The following SYTL5 variants were observed in gnomAD, a reference collection of about 807,000 sequenced individuals.
SYTL5 encodes the protein synaptotagmin-like protein 5.
Under a neutral mutation model 55.9 loss-of-function variants are expected in SYTL5, and 34 were observed. The ratio of observed to expected loss-of-function variants is 0.61; its 90% CI spans 0.46 to 0.81. The LOEUF (loss-of-function observed/expected upper bound fraction) is 0.81, where lower values mean the gene tolerates loss of function less well. Among genes scored for constraint, SYTL5 ranks in the 30% least tolerant of loss-of-function variants. SYTL5 has a pLI of 0.00. For missense variants in SYTL5, 637 were observed against 546.7 expected (o/e 1.17, Z -1.65); for synonymous variants, 221 against 188.7 (o/e 1.17, Z -1.40).
the SYTL5 span, among the ~76,000 whole-genome samples, chrX:37,893,814 A>AAC: frequency 1.1e-4 from 11 of 99,840 alleles, no homozygotes; most frequent in Non-Finnish European, 1.6e-4. Flanking sequence ...TCTATATATT[A>AAC]TATAGAGATT....
At chrX:38,094,159 T>A (rs1202913617) in intron 7 of SYTL5, 136 bp from the exon 8 acceptor site, 1 of 501,482 alleles carries the variant, frequency 2.0e-6, no homozygotes, top group African/African-American at 2.4e-5. Context: ...CTGGTGAGGG[T>A]CCTTCAAATG....
intron 1 of SYTL5, among the ~76,000 whole-genome samples, chrX:38,029,330 ACTT>A (rs1934880430): frequency 8.9e-6 from 1 of 112,416 alleles, no homozygotes; most frequent in African/African-American, 3.2e-5. Flanking sequence ...CATTCCTATG[ACTT>A]CTTATAATAT....
At chrX:37,896,386 A>T in the SYTL5 span, among the ~76,000 whole-genome samples, 1 of 111,757 alleles carries the variant, frequency 8.9e-6, no homozygotes, top group Non-Finnish European at 1.9e-5. Flanking sequence ...TCTGTTTATC[A>T]TGTTTCCTTG....
chrX:37,947,767 G>A, the SYTL5 span, among the ~76,000 whole-genome samples: 2 of 94,156 alleles, frequency 2.1e-5, no homozygotes, highest in African/African-American at 7.8e-5. Context: ...CACTTTGTAA[G>A]TTTGGCTAAG....
chrX:37,901,552 A>C, the SYTL5 span, among the ~76,000 whole-genome samples: 1 of 111,780 alleles, frequency 8.9e-6, no homozygotes, highest in Non-Finnish European at 1.9e-5. Context: ...ACACTCCCAA[A>C]CTGAAGTTCT....
At chrX:37,997,163 C>T in the SYTL5 span, among the ~76,000 whole-genome samples, 1 of 112,715 alleles carries the variant, frequency 8.9e-6, no homozygotes, top group Non-Finnish European at 1.9e-5. Flanking sequence ...GCAGTGGTGG[C>T]CCATCTGGGG....
At chrX:37,918,275 C>T in the SYTL5 span, among the ~76,000 whole-genome samples, 13 of 111,788 alleles carry the variant, frequency 1.2e-4, no homozygotes, top group Non-Finnish European at 2.4e-4. Context: ...GTGCACACTT[C>T]TACTTCTGTT....
the SYTL5 span, among the ~76,000 whole-genome samples, chrX:37,981,752 G>T: frequency 3.6e-5 from 4 of 111,445 alleles, no homozygotes; most frequent in East Asian, 1.1e-3. Context: ...TGTGATCAGG[G>T]AAAGAGAAAA....
chrX:38,101,092 T>C (rs1321535136), intron 9 of SYTL5, among the ~76,000 whole-genome samples: 1 of 111,541 alleles, frequency 9.0e-6, no homozygotes, highest in Non-Finnish European at 1.9e-5. Flanking sequence ...CAAAGGAATA[T>C]ATAGCATTTA....
intron 3 of SYTL5, among the ~76,000 whole-genome samples, chrX:38,057,119 C>T (rs1451489296): frequency 2.7e-5 from 3 of 111,521 alleles, no homozygotes; most frequent in Non-Finnish European, 3.8e-5. Flanking sequence ...AGTTTGAGGT[C>T]TTAGATTTAA....
At chrX:37,904,274 G>T in the SYTL5 span, among the ~76,000 whole-genome samples, 101 of 104,281 alleles carry the variant, frequency 9.7e-4, no homozygotes, top group East Asian at 1.2e-3. Flanking sequence ...CCGGGGGGGG[G>T]GGTGATATTT....
At chrX:38,084,967 C>G (rs1438903668) in intron 6 of SYTL5, among the ~76,000 whole-genome samples, 1 of 110,918 alleles carries the variant, frequency 9.0e-6, no homozygotes, top group East Asian at 2.8e-4. Flanking sequence ...AAAAACTACT[C>G]TAAGCACACG....
Position 38,090,265 on chromosome X carries a change from T to A in SYTL5, c.831+678T>A, listed in dbSNP as rs1257906801. 2.7e-5 allele frequency among the ~76,000 whole-genome samples: 3 copies of A among 112,341 alleles called. No homozygotes were observed. The East Asian group carries it at 8.3e-4, about 31-fold the overall frequency. On this transcript the variant is annotated intron_variant, in intron 7 of 16. Transcript: ENST00000297875. ...ACAAATTTTTCCAAACTGATTTAAA[T>A]CTGGAAAAGTAGAACTTTTATCTAG... is the stretch of plus-strand genomic sequence containing the variant.
At chrX:38,115,472 A>G (rs1937464643) in intron 13 of SYTL5, among the ~76,000 whole-genome samples, 1 of 76,333 alleles carries the variant, frequency 1.3e-5, no homozygotes. Flanking sequence ...CGACAGAGCG[A>G]GACTCCGTCT....
the SYTL5 span, among the ~76,000 whole-genome samples, chrX:37,968,804 G>C: frequency 9.0e-6 from 1 of 111,686 alleles, no homozygotes; most frequent in Non-Finnish European, 1.9e-5. Context: ...TGAGCTGTTG[G>C]TCCTGTATTA....
At position 38,092,777 on chromosome X, in the gene SYTL5, A is replaced by G. The variant is rs996641349; in HGVS notation, c.832-1518A>G. Among the ~76,000 whole-genome samples, 4 of 111,353 alleles carry G rather than the reference A, an allele frequency of 3.6e-5. No individual in the cohort carries two copies. In the Admixed American group the frequency reaches 3.8e-4, roughly 11 times the overall value. ...CCTCAACCCAATCAAGTATACACCT[A>G]ATATTAACCATCACAGAAAACTTTT... On this transcript the variant is annotated intron_variant, in intron 7 of 16. Coordinates refer to ENST00000297875, the MANE Select transcript of SYTL5 (RefSeq NM_138780.3).
At chrX:38,004,399 A>G (rs1256068531), upstream of SYTL5, among the ~76,000 whole-genome samples, 1 of 111,916 alleles carries the variant, frequency 8.9e-6, no homozygotes, top group Admixed American at 9.6e-5. Context: ...GAGCTACCAT[A>G]TGATCCAGCA....
the SYTL5 span, among the ~76,000 whole-genome samples, chrX:37,948,052 T>C: frequency 8.9e-6 from 1 of 111,744 alleles, no homozygotes; most frequent in African/African-American, 3.2e-5. Flanking sequence ...GCTTCATTGT[T>C]TCAGTATGAG....
chrX:38,029,993 C>G (rs1934902884), intron 1 of SYTL5, among the ~76,000 whole-genome samples: 1 of 111,464 alleles, frequency 9.0e-6, no homozygotes, highest in Non-Finnish European at 1.9e-5. Flanking sequence ...GAAGGCAAAA[C>G]AGATATACAA....
Sources: allele counts gnomAD v4.1 joint callset (sites outside exome capture counted in the v4.1 genomes callset), GRCh38; gene constraint gnomAD v4.1.1; transcripts MANE v1.5; gene names NCBI Gene and HGNC (gene_info 2026-07-23, HGNC 2026-07-21).